The following DPYD variants were observed in gnomAD, a reference collection of about 807,000 sequenced individuals.
The protein encoded by DPYD is dihydropyrimidine dehydrogenase.
A neutral mutation model predicts 116.2 loss-of-function variants in DPYD; 109 were observed. That is an observed-to-expected ratio of 0.94 (90% CI 0.80 to 1.10). DPYD has a LOEUF of 1.10. Ranked by LOEUF, DPYD falls within the 50% of genes least tolerant of loss-of-function variation. DPYD has a pLI of 0.00. For synonymous variants in DPYD, 440 were observed against 432.0 expected (o/e 1.02, Z -0.23); for missense variants, 1,302 against 1,254.5 (o/e 1.04, Z -0.57).
At chr1:97,850,594 CAG>C (rs5776384) in intron 2 of DPYD, among the ~76,000 whole-genome samples, 111,494 of 151,572 alleles carry the variant, frequency 0.74, 41,367 homozygotes, top group East Asian at 0.93. Flanking sequence ...CTCAGAATGC[CAG>C]AGTGACTGAA....
intron 3 of DPYD, among the ~76,000 whole-genome samples, chr1:97,781,039 T>A (rs1156560410): frequency 6.6e-6 from 1 of 152,202 alleles, no homozygotes; most frequent in Non-Finnish European, 1.5e-5. Flanking sequence ...CGACAGTTAA[T>A]GGGGCAATCT....
intron 11 of DPYD, among the ~76,000 whole-genome samples, chr1:97,565,245 T>C (rs1381841141): frequency 6.6e-6 from 1 of 152,068 alleles, no homozygotes; most frequent in Non-Finnish European, 1.5e-5. Flanking sequence ...CAAAATGTGG[T>C]TGCTTATTTT....
chr1:97,211,839 A>T (rs1431048555), intron 19 of DPYD, among the ~76,000 whole-genome samples: 1 of 152,078 alleles, frequency 6.6e-6, no homozygotes, highest in Non-Finnish European at 1.5e-5. Context: ...TACATTGCTG[A>T]TACTAATAAT....
At chr1:97,883,684 C>T (rs749239327) in intron 1 of DPYD, among the ~76,000 whole-genome samples, 5 of 151,870 alleles carry the variant, frequency 3.3e-5, no homozygotes, top group African/African-American at 7.2e-5. Flanking sequence ...TGGTCTCAAG[C>T]GATCCACCTG....
intron 1 of DPYD, among the ~76,000 whole-genome samples, chr1:97,911,317 G>C (rs1673922962): frequency 6.6e-6 from 1 of 151,954 alleles, no homozygotes; most frequent in African/African-American, 2.4e-5. Flanking sequence ...GGGGTGATGG[G>C]CACTAATTTT....
intron 11 of DPYD, among the ~76,000 whole-genome samples, chr1:97,562,558 G>A (rs927982009): frequency 6.6e-6 from 1 of 152,104 alleles, no homozygotes; most frequent in Non-Finnish European, 1.5e-5. Context: ...TCCACATACT[G>A]TTAGGCAGGA....
At chr1:97,520,846 G>A (rs1392377891) in intron 12 of DPYD, among the ~76,000 whole-genome samples, 1 of 152,104 alleles carries the variant, frequency 6.6e-6, no homozygotes, top group Non-Finnish European at 1.5e-5. Context: ...TGGTATATAT[G>A]AGCCACATTT....
intron 12 of DPYD, among the ~76,000 whole-genome samples, chr1:97,544,303 C>T (rs985391715): frequency 2.6e-5 from 4 of 152,108 alleles, no homozygotes; most frequent in East Asian, 1.9e-4. Flanking sequence ...CATCCAACAC[C>T]CTGGCAGGAA....
chr1:97,537,894 T>C (rs1361870191), intron 12 of DPYD, among the ~76,000 whole-genome samples: 4 of 152,138 alleles, frequency 2.6e-5, no homozygotes, highest in Non-Finnish European at 4.4e-5. Context: ...TTTTAAAAGT[T>C]CAGGACCAGC....
At chr1:97,684,479 T>C (rs562397197) in intron 7 of DPYD, among the ~76,000 whole-genome samples, 3 of 151,810 alleles carry the variant, frequency 2.0e-5, no homozygotes, top group African/African-American at 7.2e-5. Flanking sequence ...GTAAGTGCCA[T>C]ATAACTCCAA....
intron 4 of DPYD, among the ~76,000 whole-genome samples, chr1:97,738,691 GTTTTT>G (rs72344193): frequency 1.4e-5 from 2 of 141,404 alleles, no homozygotes; most frequent in Admixed American, 1.4e-4. Context: ...AATTAGGAGA[GTTTTT>G]TTTTTTTTTG....
At chr1:97,511,836 C>A (rs539225786) in intron 13 of DPYD, among the ~76,000 whole-genome samples, 4 of 151,954 alleles carry the variant, frequency 2.6e-5, no homozygotes, top group South Asian at 4.1e-4. Flanking sequence ...GTGATACTTG[C>A]CCTGTTTTCT....
intron 4 of DPYD, among the ~76,000 whole-genome samples, chr1:97,730,868 G>T (rs995490580): frequency 2.6e-5 from 4 of 151,448 alleles, no homozygotes; most frequent in African/African-American, 9.7e-5. Flanking sequence ...GTCAAAGCTA[G>T]TCATCATTAG....
chr1:97,197,297 C>G (rs1658882565), intron 19 of DPYD, among the ~76,000 whole-genome samples: 1 of 151,930 alleles, frequency 6.6e-6, no homozygotes, highest in Non-Finnish European at 1.5e-5. Flanking sequence ...TTTCTTTTGA[C>G]TATAAAAGTC....
At chr1:97,505,536 C>T (rs1248241171) in intron 13 of DPYD, among the ~76,000 whole-genome samples, 2 of 151,282 alleles carry the variant, frequency 1.3e-5, no homozygotes, top group African/African-American at 4.8e-5. Flanking sequence ...TATTAAGTAA[C>T]ATTTTAGTAT....
At chr1:97,703,585 T>C (rs943069118) in intron 5 of DPYD, among the ~76,000 whole-genome samples, 1 of 151,938 alleles carries the variant, frequency 6.6e-6, no homozygotes, top group Middle Eastern at 3.2e-3. Context: ...ACTAGCCACA[T>C]TTGATTAAGT....
At chr1:97,224,586 G>C (rs1660991128) in intron 19 of DPYD, among the ~76,000 whole-genome samples, 1 of 151,608 alleles carries the variant, frequency 6.6e-6, no homozygotes, top group Non-Finnish European at 1.5e-5. Flanking sequence ...GATTACTTGT[G>C]CTGTGCTTTA....
intron 18 of DPYD, among the ~76,000 whole-genome samples, chr1:97,265,997 TA>T (rs1258541531): frequency 3.3e-5 from 5 of 152,336 alleles, no homozygotes; most frequent in African/African-American, 9.6e-5. Context: ...TAAGTAAAGG[TA>T]AAAATTACTT....
intron 13 of DPYD, among the ~76,000 whole-genome samples, chr1:97,477,632 A>T (rs7513298): frequency 2.5e-5 from 3 of 122,178 alleles, no homozygotes; most frequent in African/African-American, 6.3e-5. Context: ...TTTTTTTTTT[A>T]AGACGGAGTC....
Sources: allele counts gnomAD v4.1 joint callset (sites outside exome capture counted in the v4.1 genomes callset), GRCh38; gene constraint gnomAD v4.1.1; transcripts MANE v1.5; gene names NCBI Gene and HGNC (gene_info 2026-07-23, HGNC 2026-07-21).